The following MAP2 variants were observed in gnomAD, a reference collection of about 807,000 sequenced individuals.
MAP2 encodes the protein microtubule-associated protein 2.
MAP2 carries 14 observed loss-of-function variants against 137.6 expected under a neutral mutation model. That is an observed-to-expected ratio of 0.10 (90% CI 0.07 to 0.16). The LOEUF (loss-of-function observed/expected upper bound fraction) is 0.16. Ranked by LOEUF, MAP2 falls within the 10% of genes least tolerant of loss-of-function variation. The pLI is 1.00. For synonymous variants in MAP2, 786 were observed against 782.3 expected (o/e 1.00, Z -0.08); for missense variants, 2,088 against 2,191.5 (o/e 0.95, Z 0.94).
chr2:209,688,787 C>G (rs1013863320), intron 7 of MAP2, among the ~76,000 whole-genome samples: 3 of 152,062 alleles, frequency 2.0e-5, no homozygotes, highest in Non-Finnish European at 2.9e-5. Flanking sequence ...AGTTTATTTC[C>G]AAAAGGGACA....
At chr2:209,473,891 A>G (rs186427312) in intron 1 of MAP2, among the ~76,000 whole-genome samples, 2 of 152,336 alleles carry the variant, frequency 1.3e-5, no homozygotes, top group African/African-American at 4.8e-5. Flanking sequence ...TAAAAAAATT[A>G]TCACATATTA....
intron 2 of MAP2, among the ~76,000 whole-genome samples, chr2:209,555,841 C>A (rs987226828): frequency 6.6e-6 from 1 of 152,092 alleles, no homozygotes; most frequent in Admixed American, 6.6e-5. Flanking sequence ...TCCCATCCTT[C>A]AAGGATGAAT....
chr2:209,645,427 C>T (rs555902338), intron 4 of MAP2, among the ~76,000 whole-genome samples: 40 of 151,380 alleles, frequency 2.6e-4, no homozygotes, highest in Non-Finnish European at 1.3e-4. Flanking sequence ...AAAAGTATTC[C>T]AAGGAAGAAG....
At chr2:209,476,136 T>G (rs1707152736) in intron 1 of MAP2, among the ~76,000 whole-genome samples, 1 of 152,106 alleles carries the variant, frequency 6.6e-6, no homozygotes, top group Non-Finnish European at 1.5e-5. Flanking sequence ...AGAAAATACT[T>G]TAAAAATGGG....
At chr2:209,556,365 G>T (rs1270468084) in intron 2 of MAP2, among the ~76,000 whole-genome samples, 2 of 152,062 alleles carry the variant, frequency 1.3e-5, no homozygotes, top group African/African-American at 4.8e-5. Context: ...TTCTTTTGAA[G>T]ATTTGTGGTT....
intron 2 of MAP2, among the ~76,000 whole-genome samples, chr2:209,556,011 T>G (rs2070480926): frequency 6.7e-6 from 1 of 149,640 alleles, no homozygotes. Flanking sequence ...AAAATCATTT[T>G]CAGGCATTCT....
intron 2 of MAP2, among the ~76,000 whole-genome samples, chr2:209,521,596 T>C (rs1004584785): frequency 2.0e-5 from 3 of 152,070 alleles, no homozygotes; most frequent in Non-Finnish European, 2.9e-5. Context: ...AGGACTGATA[T>C]CTTTCTCTTC....
intron 3 of MAP2, among the ~76,000 whole-genome samples, chr2:209,617,056 G>T (rs2089701758): frequency 6.6e-6 from 1 of 152,058 alleles, no homozygotes; most frequent in African/African-American, 2.4e-5. Context: ...ACACAGAAAG[G>T]CGGGATGGGG....
intron 2 of MAP2, among the ~76,000 whole-genome samples, chr2:209,512,412 T>G (rs17238539): frequency 0.058 from 8,764 of 151,748 alleles, 282 homozygotes; most frequent in South Asian, 0.091. Context: ...ACAAACAAAT[T>G]CTCTATTAAA....
intron 4 of MAP2, among the ~76,000 whole-genome samples, chr2:209,638,665 C>T (rs2153570243): frequency 6.6e-6 from 1 of 152,164 alleles, no homozygotes; most frequent in Middle Eastern, 3.4e-3. Flanking sequence ...TGCATCCATC[C>T]ATTTTTCTTT....
chr2:209,506,950 A>AGCAGATTGGTTTT (rs1419168542), intron 1 of MAP2, among the ~76,000 whole-genome samples: 1 of 152,214 alleles, frequency 6.6e-6, no homozygotes, highest in Non-Finnish European at 1.5e-5. Flanking sequence ...TCAAGGCAGC[A>AGCAGATTGGTTTT]GCAGATTGGT....
At chr2:209,675,182 C>T (rs1348496644) in intron 5 of MAP2, among the ~76,000 whole-genome samples, 1 of 151,852 alleles carries the variant, frequency 6.6e-6, no homozygotes, top group African/African-American at 2.4e-5. Flanking sequence ...TAATGTTTCT[C>T]AAATCCTCTT....
intron 2 of MAP2, among the ~76,000 whole-genome samples, chr2:209,542,834 G>C (rs2067298249): frequency 6.6e-6 from 1 of 152,218 alleles, no homozygotes; most frequent in South Asian, 2.1e-4. Context: ...AGGGAATGTT[G>C]TGGATAGTTT....
chr2:209,558,598 G>C (rs762218979), intron 2 of MAP2, among the ~76,000 whole-genome samples: 1 of 150,948 alleles, frequency 6.6e-6, no homozygotes, highest in Non-Finnish European at 1.5e-5. Context: ...TGTTATCAGA[G>C]CCAAGAAATT....
chr2:209,559,479 C>CA (rs59788211), intron 2 of MAP2, among the ~76,000 whole-genome samples: 1,055 of 37,556 alleles, frequency 0.028, 11 homozygotes, highest in Middle Eastern at 0.05. Context: ...GCCAAAAATA[C>CA]AAAAAAAAAA....
chr2:209,572,811 A>G (rs1578663525), intron 2 of MAP2, among the ~76,000 whole-genome samples: 1 of 152,326 alleles, frequency 6.6e-6, no homozygotes, highest in East Asian at 1.9e-4. Flanking sequence ...AATACTTTTT[A>G]TAGTTTTCTA....
intron 1 of MAP2, among the ~76,000 whole-genome samples, chr2:209,462,996 C>T (rs1398770519): frequency 1.3e-5 from 2 of 152,102 alleles, no homozygotes; most frequent in Admixed American, 6.6e-5. Flanking sequence ...CACACACACA[C>T]ACGTGCACAC....
At chr2:209,449,249 T>C (rs960204347) in intron 1 of MAP2, among the ~76,000 whole-genome samples, 4 of 152,208 alleles carry the variant, frequency 2.6e-5, no homozygotes, top group Non-Finnish European at 4.4e-5. Flanking sequence ...TAGCACTTTT[T>C]TTAAAAAATT....
At chr2:209,490,058 C>T (rs2058880835) in intron 1 of MAP2, among the ~76,000 whole-genome samples, 1 of 152,172 alleles carries the variant, frequency 6.6e-6, no homozygotes, top group African/African-American at 2.4e-5. Context: ...CAAAGGGAAA[C>T]CCATCAGACA....
Sources: allele counts gnomAD v4.1 joint callset (sites outside exome capture counted in the v4.1 genomes callset), GRCh38; gene constraint gnomAD v4.1.1; transcripts MANE v1.5; gene names NCBI Gene and HGNC (gene_info 2026-07-23, HGNC 2026-07-21).